Variants in PRKG1 observed in about 807,000 individuals in gnomAD.
PRKG1 encodes cGMP-dependent protein kinase 1.
PRKG1 carries 35 observed loss-of-function variants against 88.1 expected under a neutral mutation model. The observed-to-expected ratio is 0.40, with a 90% CI of 0.30 to 0.53. PRKG1 has a LOEUF of 0.53. Ranked by LOEUF, PRKG1 falls within the 20% of genes least tolerant of loss-of-function variation. PRKG1 has a pLI of 0.59. For missense variants in PRKG1, 540 were observed against 839.8 expected (o/e 0.64, Z 4.41); for synonymous variants, 303 against 292.5 (o/e 1.04, Z -0.37).
At chr10:51,894,570 A>G (rs1841797347) in intron 4 of PRKG1, among the ~76,000 whole-genome samples, 1 of 152,208 alleles carries the variant, frequency 6.6e-6, no homozygotes, top group Non-Finnish European at 1.5e-5. Flanking sequence ...ATTCTACAAC[A>G]ATTAACAAAA....
intron 3 of PRKG1, among the ~76,000 whole-genome samples, chr10:51,673,402 C>T (rs1053508495): frequency 6.6e-6 from 1 of 152,020 alleles, no homozygotes; most frequent in Non-Finnish European, 1.5e-5. Context: ...GGAATAGACA[C>T]AAGTAGAAAT....
At chr10:52,066,243 C>A (rs754651379) in intron 7 of PRKG1, among the ~76,000 whole-genome samples, 11 of 152,148 alleles carry the variant, frequency 7.2e-5, no homozygotes, top group Non-Finnish European at 1.0e-4. Flanking sequence ...CTTCGGGACC[C>A]TTTAAATTAT....
chr10:52,234,885 GA>G (rs1840636467), intron 9 of PRKG1, among the ~76,000 whole-genome samples: 1 of 109,900 alleles, frequency 9.1e-6, no homozygotes, highest in Admixed American at 9.6e-5. Context: ...AAGTTGAAAT[GA>G]AGGAAAAAAT....
At chr10:51,859,041 C>G (rs1840796849) in intron 4 of PRKG1, among the ~76,000 whole-genome samples, 1 of 152,070 alleles carries the variant, frequency 6.6e-6, no homozygotes. Context: ...ACAAAAGCTC[C>G]TGCTTATTTG....
chr10:52,013,405 C>T (rs1391508490), intron 5 of PRKG1, among the ~76,000 whole-genome samples: 16 of 139,208 alleles, frequency 1.1e-4, no homozygotes, highest in African/African-American at 3.1e-4. Context: ...GGTGACAGAG[C>T]GAGACTCCGT....
At chr10:51,283,335 GA>G (rs1234261288) in intron 2 of PRKG1, among the ~76,000 whole-genome samples, 6 of 151,842 alleles carry the variant, frequency 4.0e-5, no homozygotes, top group Non-Finnish European at 8.8e-5. Flanking sequence ...TCCCAATAAG[GA>G]AAAAAATCCC....
At chr10:51,208,504 A>G (rs749950975) in intron 2 of PRKG1, among the ~76,000 whole-genome samples, 2 of 152,190 alleles carry the variant, frequency 1.3e-5, no homozygotes, top group Admixed American at 6.6e-5. Context: ...TTAGCAAGAC[A>G]TGAAGCTTCC....
chr10:52,217,606 T>G (rs955904480), intron 9 of PRKG1, among the ~76,000 whole-genome samples: 5 of 152,132 alleles, frequency 3.3e-5, no homozygotes, highest in African/African-American at 1.2e-4. Context: ...AGGTTTACAG[T>G]TACTCAAATA....
At chr10:51,959,168 T>TGAC (rs1205361639) in intron 5 of PRKG1, among the ~76,000 whole-genome samples, 3 of 152,198 alleles carry the variant, frequency 2.0e-5, no homozygotes, top group African/African-American at 7.2e-5. Flanking sequence ...TAAAGATGAA[T>TGAC]GACAGGCTCT....
chr10:52,234,994 G>A (rs1840640656), intron 9 of PRKG1, among the ~76,000 whole-genome samples: 1 of 115,440 alleles, frequency 8.7e-6, no homozygotes, highest in South Asian at 3.5e-4. Flanking sequence ...AGCCAGAAGA[G>A]AGTGGGGGCC....
rs1403986779 is a variant in PRKG1, at chr10:51,361,841, C to T, written c.479-105882C>T. 2.0e-5 allele frequency among the ~76,000 whole-genome samples: 3 copies of T among 151,822 alleles called. No individual in the cohort carries two copies. In the South Asian group the frequency reaches 6.2e-4, roughly 31 times the overall value. On this transcript the variant is annotated intron_variant, in intron 2 of 17. Transcript: ENST00000373980. ...TTCAAAACTTATTTTTATATGATTT[C>T]ATTAATTCTAATCAATCTATTGAAA... is the stretch of plus-strand genomic sequence containing the variant.
In PRKG1 at chr10:51,996,000, A is replaced by C. The variant is rs997188822; in HGVS notation, c.763-58484A>C. 3.9e-5 allele frequency among the ~76,000 whole-genome samples: 6 copies of C among 152,260 alleles called. 1 individual carries two copies. The Middle Eastern group carries it at 0.01, about 259-fold the overall frequency. ...AAACTAAAAAGCTTCTGCACGGCAA[A>C]GGAAACAATCAATAGGGTACAGAGA... On this transcript the variant is annotated intron_variant, in intron 5 of 17. Coordinates refer to ENST00000373980, the MANE Select transcript of PRKG1 (RefSeq NM_006258.4).
chr10:52,172,446 T>C (rs1460952411), intron 9 of PRKG1, among the ~76,000 whole-genome samples: 1 of 152,236 alleles, frequency 6.6e-6, no homozygotes, highest in Non-Finnish European at 1.5e-5. Context: ...TTTGGTCCTG[T>C]ATGGCAATTA....
chr10:51,727,078 C>T (rs1842150746), intron 3 of PRKG1, among the ~76,000 whole-genome samples: 2 of 152,004 alleles, frequency 1.3e-5, no homozygotes, highest in African/African-American at 4.8e-5. Context: ...CGCACCTGGC[C>T]TAGTCTGACA....
At chr10:52,014,305 A>C (rs1436197206) in intron 5 of PRKG1, among the ~76,000 whole-genome samples, 2 of 152,158 alleles carry the variant, frequency 1.3e-5, no homozygotes, top group African/African-American at 4.8e-5. Flanking sequence ...AGCAAGGTAC[A>C]TATTATATGG....
At chr10:51,256,384 G>A (rs970900521) in intron 2 of PRKG1, among the ~76,000 whole-genome samples, 15 of 152,024 alleles carry the variant, frequency 9.9e-5, no homozygotes, top group Admixed American at 3.3e-4. Flanking sequence ...AAGCATTGTC[G>A]TGTGTTCCAA....
rs111762278 is a variant in PRKG1 at position 51,084,830 on chromosome 10, A to G, written c.311+9929A>G. On this transcript the variant is annotated intron_variant, in intron 1 of 17. Transcript: ENST00000373980. The stretch of plus-strand genomic sequence containing the variant: ...ATTTGGTTAATTGGATTGAATGTCA[A>G]TGATGACAAATACACTCTAGTTAAG... Among the ~76,000 whole-genome samples the G allele has an allele frequency of 8.5e-3, 1,298 of 152,342 alleles. 9 individuals are homozygous for G. Among genetic ancestry groups the G allele is most frequent in the Non-Finnish European group, 0.011 (734 of 68,030 alleles).
At position 51,417,408 on chromosome 10, in the gene PRKG1, A is replaced by G. The variant is rs146410069; in HGVS notation, c.479-50315A>G. Among the ~76,000 whole-genome samples, 42 of 152,332 alleles carry G rather than the reference A, an allele frequency of 2.8e-4. No homozygotes were observed. The East Asian group carries it at 8.1e-3, about 29-fold the overall frequency. On this transcript the variant is annotated intron_variant, in intron 2 of 17. Transcript: ENST00000373980. ...CTTTATTTTAAAGATGAAGAATATG[A>G]AAGATAGAGGGTTTAATAATATGCG... is the stretch of plus-strand genomic sequence containing the variant.
chr10:52,038,668 C>A (rs1334225475), intron 5 of PRKG1, among the ~76,000 whole-genome samples: 1 of 152,074 alleles, frequency 6.6e-6, no homozygotes, highest in African/African-American at 2.4e-5. Context: ...GTGGGACTTG[C>A]TGCTAAGGGT....
Sources: allele counts gnomAD v4.1 joint callset (sites outside exome capture counted in the v4.1 genomes callset), GRCh38; gene constraint gnomAD v4.1.1; transcripts MANE v1.5; gene names NCBI Gene and HGNC (gene_info 2026-07-23, HGNC 2026-07-21).